Variants in FBXL13 observed in about 807,000 individuals in gnomAD.
FBXL13 encodes the protein F-box and leucine-rich repeat protein 13.
Under a neutral mutation model 83.6 loss-of-function variants are expected in FBXL13, and 67 were observed. The observed-to-expected ratio is 0.80, with a 90% CI of 0.66 to 0.98. The LOEUF is 0.98. FBXL13 is among the 50% of genes least tolerant of loss of function. The pLI is 0.00. For missense variants in FBXL13, 822 were observed against 866.5 expected, an observed-to-expected ratio of 0.95 and a Z score of 0.64; for synonymous variants, 272 against 299.5, an observed-to-expected ratio of 0.91 and a Z score of 0.95.
chr7:102,926,612 A>G (rs776530302), intron 9 of FBXL13, among the ~76,000 whole-genome samples: 3 of 152,212 alleles, frequency 2.0e-5, no homozygotes, highest in Non-Finnish European at 4.4e-5. Context: ...TCATTCCATC[A>G]CAATGACACT....
At chr7:103,001,402 C>T (rs1790390407) in intron 6 of FBXL13, among the ~76,000 whole-genome samples, 1 of 152,098 alleles carries the variant, frequency 6.6e-6, no homozygotes, top group African/African-American at 2.4e-5. Context: ...AGAATTTAGT[C>T]CATTTATATT....
intron 8 of FBXL13, among the ~76,000 whole-genome samples, chr7:102,951,178 A>G (rs146202548): frequency 6.6e-6 from 1 of 152,024 alleles, no homozygotes; most frequent in Non-Finnish European, 1.5e-5. Context: ...TTAAGAATAA[A>G]GTTTATGGCT....
At chr7:102,882,235 T>C (rs1315891370) in intron 14 of FBXL13, among the ~76,000 whole-genome samples, 3 of 151,752 alleles carry the variant, frequency 2.0e-5, no homozygotes, top group Admixed American at 6.6e-5. Context: ...GCCTGGGCAA[T>C]AGAGCAAGAC....
intron 16 of FBXL13, among the ~76,000 whole-genome samples, chr7:102,868,204 C>T (rs1461074819): frequency 6.6e-6 from 1 of 152,076 alleles, no homozygotes; most frequent in East Asian, 1.9e-4. Flanking sequence ...TACAATAATA[C>T]ATTATTGTTA....
At chr7:102,930,780 C>T (rs1434533325) in intron 9 of FBXL13, among the ~76,000 whole-genome samples, 9 of 152,224 alleles carry the variant, frequency 5.9e-5, no homozygotes, top group Middle Eastern at 3.4e-3. Flanking sequence ...ATCTTATTCA[C>T]GCTTATGATG....
chr7:102,973,561 C>A lies in FBXL13; in HGVS notation c.496-5444G>T, dbSNP rs371287689. On this transcript the variant is annotated intron_variant, in intron 6 of 19. Coordinates refer to ENST00000313221, the Ensembl canonical transcript of FBXL13. ...AAAACAGCAGGTTGCTCCACACTGC[C>A]TCGTGTTGTCTGTTGGCACACTCTC... 6 of 765,078 alleles carry A rather than the reference C, an allele frequency of 7.8e-6. No homozygotes were observed. The East Asian group carries it at 1.5e-4, about 19-fold the overall frequency. The allele number at this position is 765,078 out of a possible 1,614,324, so 47.4% of individuals were successfully genotyped here.
intron 1 of FBXL13, among the ~76,000 whole-genome samples, chr7:103,066,367 A>AT (rs528208141): frequency 1.1e-3 from 170 of 151,044 alleles, no homozygotes; most frequent in Non-Finnish European, 1.9e-3. Flanking sequence ...GAAACCTTAT[A>AT]TTTTTTGTGG....
downstream of FBXL13, among the ~76,000 whole-genome samples, chr7:102,812,262 G>T (rs1797476146): frequency 6.6e-6 from 1 of 152,120 alleles, no homozygotes; most frequent in Non-Finnish European, 1.5e-5. Context: ...AAAACCTACG[G>T]ATTAAAGCTT....
chr7:102,989,904 T>C (rs1829385587), intron 6 of FBXL13, among the ~76,000 whole-genome samples: 1 of 152,216 alleles, frequency 6.6e-6, no homozygotes, highest in Non-Finnish European at 1.5e-5. Flanking sequence ...TCAGTGACTC[T>C]TACTTTTCAG....
chr7:102,987,808 C>T (rs1032510164), intron 6 of FBXL13, among the ~76,000 whole-genome samples: 1 of 151,996 alleles, frequency 6.6e-6, no homozygotes, highest in African/African-American at 2.4e-5. Flanking sequence ...CCCAGGAATA[C>T]AGAGGGGTGG....
intron 9 of FBXL13, among the ~76,000 whole-genome samples, chr7:102,930,998 AG>A (rs1166875634): frequency 6.6e-6 from 1 of 152,202 alleles, no homozygotes; most frequent in Non-Finnish European, 1.5e-5. Context: ...TAGTGAAGGA[AG>A]CCAAAACCCT....
chr7:103,010,626 T>C (rs547043991), intron 6 of FBXL13, among the ~76,000 whole-genome samples: 2 of 152,154 alleles, frequency 1.3e-5, no homozygotes, highest in African/African-American at 4.8e-5. Context: ...CAGTTTTGCA[T>C]AGGTCCCTGT....
intron 18 of FBXL13, among the ~76,000 whole-genome samples, chr7:102,830,743 C>T (rs1362096848): frequency 6.6e-6 from 1 of 152,136 alleles, no homozygotes; most frequent in Non-Finnish European, 1.5e-5. Context: ...TGGTGTGATG[C>T]TGTAGTAAAC....
At chr7:102,928,531 A>G (rs1818558189) in intron 9 of FBXL13, among the ~76,000 whole-genome samples, 1 of 152,212 alleles carries the variant, frequency 6.6e-6, no homozygotes, top group Non-Finnish European at 1.5e-5. Flanking sequence ...TCAGCCCTGT[A>G]TATTATTAGA....
At chr7:102,812,840 CTTTTTTTTTT>C (rs908090315), downstream of FBXL13, among the ~76,000 whole-genome samples, 4 of 122,566 alleles carry the variant, frequency 3.3e-5, no homozygotes, top group African/African-American at 6.0e-5. Context: ...GATTTGGCTT[CTTTTTTTTTT>C]TTTTTTTTTT....
chr7:102,858,003 T>C (rs1004866696), intron 16 of FBXL13, among the ~76,000 whole-genome samples: 4 of 152,198 alleles, frequency 2.6e-5, no homozygotes, highest in Admixed American at 6.5e-5. Flanking sequence ...TACACTCCCA[T>C]GTTTACTACA....
intron 17 of FBXL13, among the ~76,000 whole-genome samples, chr7:102,842,054 A>G (rs1461091209): frequency 2.6e-5 from 4 of 152,204 alleles, no homozygotes; most frequent in Non-Finnish European, 5.9e-5. Context: ...CAGTTTAGTC[A>G]ATTATTTCCT....
At chr7:102,983,421 C>CTTTTTTTTTT (rs151066223) in intron 6 of FBXL13, among the ~76,000 whole-genome samples, 2 of 145,444 alleles carry the variant, frequency 1.4e-5, no homozygotes, top group Non-Finnish European at 1.5e-5. Context: ...TCTTTTTTCC[C>CTTTTTTTTTT]CTTTTTTTTT....
At chr7:102,840,953 T>C (rs1387435700) in intron 17 of FBXL13, among the ~76,000 whole-genome samples, 3 of 152,166 alleles carry the variant, frequency 2.0e-5, no homozygotes, top group Non-Finnish European at 1.5e-5. Context: ...ATCCTATCTA[T>C]GATGTATGTG....
Sources: allele counts gnomAD v4.1 joint callset (sites outside exome capture counted in the v4.1 genomes callset), GRCh38; gene constraint gnomAD v4.1.1; transcripts MANE v1.5; gene names NCBI Gene and HGNC (gene_info 2026-07-23, HGNC 2026-07-21).